ATRNL1: variants seen among roughly 807,000 people sequenced by gnomAD.
ATRNL1 encodes attractin-like protein 1.
Under a neutral mutation model 182.7 loss-of-function variants are expected in ATRNL1, and 95 were observed. That is an observed-to-expected ratio of 0.52 (90% confidence interval 0.44 to 0.62). The LOEUF (loss-of-function observed/expected upper bound fraction) is 0.62. Ranked by LOEUF, ATRNL1 falls within the 20% of genes least tolerant of loss-of-function variation. ATRNL1 has a pLI of 0.00. For missense variants in ATRNL1, 1,471 were observed against 1,679.5 expected (o/e 0.88, Z 2.17); for synonymous variants, 576 against 568.3 (o/e 1.01, Z -0.19).
chr10:115,947,265 T>TA lies in ATRNL1; in HGVS notation c.*2489dup, dbSNP rs1479989183. On this transcript the variant is annotated 3_prime_UTR_variant, in exon 29 of 29. Transcript: ENST00000355044. ...TAAATTTGGATGCTTTCATTTTTTT[T>TA]AAATCAAACCACACAAATATGCAGA... 1 of 152,618 alleles carries TA rather than the reference T, an allele frequency of 6.6e-6. No individual in the cohort carries two copies. Among genetic ancestry groups the TA allele is most frequent in the Non-Finnish European group, 1.5e-5 (1 of 68,032 alleles). 9.5% of individuals were successfully genotyped at this position (152,618 alleles called of 1,614,324 possible).
intron 18 of ATRNL1, among the ~76,000 whole-genome samples, chr10:115,318,761 T>A (rs782509836): frequency 3.6e-4 from 55 of 152,184 alleles, no homozygotes; most frequent in Non-Finnish European, 7.2e-4. Flanking sequence ...TTTTTTATTG[T>A]GTCTATATGA....
At chr10:115,145,300 A>G (rs917737083) in intron 5 of ATRNL1, among the ~76,000 whole-genome samples, 1 of 152,146 alleles carries the variant, frequency 6.6e-6, no homozygotes, top group African/African-American at 2.4e-5. Context: ...AATATTTTAC[A>G]TATTGAGATT....
chr10:115,627,663 C>T (rs186358283), intron 26 of ATRNL1, among the ~76,000 whole-genome samples: 1 of 152,222 alleles, frequency 6.6e-6, no homozygotes, highest in African/African-American at 2.4e-5. Flanking sequence ...CTGCACCCCA[C>T]CTCATTGTAT....
chr10:115,727,194 A>G (rs1947625549), intron 26 of ATRNL1, 54 bp from the exon 27 acceptor site: 5 of 1,304,770 alleles, frequency 3.8e-6, no homozygotes, highest in Middle Eastern at 1.8e-4. Flanking sequence ...ATATTGTTGA[A>G]TTTCATGTGC....
At chr10:115,736,288 A>G (rs1190536251) in intron 27 of ATRNL1, among the ~76,000 whole-genome samples, 1 of 152,064 alleles carries the variant, frequency 6.6e-6, no homozygotes, top group South Asian at 2.1e-4. Context: ...AGTGTATAAA[A>G]TCTGTTTTTG....
intron 9 of ATRNL1, among the ~76,000 whole-genome samples, chr10:115,223,929 A>ATATTTTTTTTTTTTTTTT (rs1420143943): frequency 6.7e-5 from 3 of 44,714 alleles, no homozygotes; most frequent in African/African-American, 2.8e-4. Context: ...ATATATATAT[A>ATATTTTTTTTTTTTTTTT]TTTTTTTTTT....
At chr10:115,449,323 C>T (rs949294208) in intron 21 of ATRNL1, among the ~76,000 whole-genome samples, 6 of 152,118 alleles carry the variant, frequency 3.9e-5, no homozygotes, top group Admixed American at 1.3e-4. Context: ...CAGAGGAGAG[C>T]TTGGCTGGGG....
chr10:115,678,480 T>A (rs1159432077), intron 26 of ATRNL1, among the ~76,000 whole-genome samples: 1 of 152,128 alleles, frequency 6.6e-6, no homozygotes, highest in Non-Finnish European at 1.5e-5. Flanking sequence ...AAGTAAATCA[T>A]CATTACATTT....
intron 26 of ATRNL1, among the ~76,000 whole-genome samples, chr10:115,643,659 A>G (rs1409677801): frequency 2.0e-5 from 3 of 152,170 alleles, no homozygotes; most frequent in Non-Finnish European, 4.4e-5. Flanking sequence ...AACAAAGAAG[A>G]TATATGGATG....
chr10:115,247,425 A>G (rs763943759), intron 10 of ATRNL1, among the ~76,000 whole-genome samples: 27 of 152,352 alleles, frequency 1.8e-4, no homozygotes, highest in Non-Finnish European at 3.2e-4. Flanking sequence ...ATATATGACA[A>G]CATGTTCAAC....
At chr10:115,389,816 A>G (rs1337556759) in intron 19 of ATRNL1, among the ~76,000 whole-genome samples, 1 of 151,822 alleles carries the variant, frequency 6.6e-6, no homozygotes, top group Admixed American at 6.6e-5. Flanking sequence ...TTTCACCAAC[A>G]GTACACATGG....
intron 25 of ATRNL1, among the ~76,000 whole-genome samples, chr10:115,532,421 C>T (rs1161809483): frequency 8.5e-5 from 13 of 152,132 alleles, no homozygotes; most frequent in African/African-American, 3.1e-4. Flanking sequence ...CATGATTTGG[C>T]TCTCTATCTG....
intron 28 of ATRNL1, among the ~76,000 whole-genome samples, chr10:115,861,755 C>G (rs1252676384): frequency 6.6e-6 from 1 of 152,016 alleles, no homozygotes; most frequent in Non-Finnish European, 1.5e-5. Context: ...CTTTGATACT[C>G]TGGTCATTCA....
chr10:115,551,268 G>A (rs1554995470), intron 26 of ATRNL1, among the ~76,000 whole-genome samples: 2 of 151,566 alleles, frequency 1.3e-5, no homozygotes, highest in Non-Finnish European at 3.0e-5. Flanking sequence ...TATTATCTCA[G>A]TGTAGTAATG....
At chr10:115,236,670 C>G (rs1850197364) in intron 9 of ATRNL1, among the ~76,000 whole-genome samples, 2 of 152,002 alleles carry the variant, frequency 1.3e-5, no homozygotes, top group Non-Finnish European at 2.9e-5. Context: ...CTCTCATCTC[C>G]CCTATCCCCA....
intron 27 of ATRNL1, among the ~76,000 whole-genome samples, chr10:115,728,046 T>C (rs1220632442): frequency 4.4e-5 from 6 of 136,080 alleles, no homozygotes; most frequent in Non-Finnish European, 9.1e-5. Flanking sequence ...GAGGCCAAGG[T>C]GGGCAGATCA....
intron 26 of ATRNL1, among the ~76,000 whole-genome samples, chr10:115,714,714 C>G (rs1555055810): frequency 4.0e-5 from 6 of 151,766 alleles, no homozygotes; most frequent in Non-Finnish European, 4.4e-5. Flanking sequence ...GGTAATGAAG[C>G]ATGTATTTCT....
At position 115,340,474 on chromosome 10, in the gene ATRNL1, T is replaced by TC. The variant is rs1392486534; in HGVS notation, c.3175+6055_3175+6056insC. 1.5e-5 allele frequency among the ~76,000 whole-genome samples: 2 copies of TC among 131,166 alleles called. 1 individual carries two copies. Among genetic ancestry groups the TC allele is most frequent in the African/African-American group, 5.4e-5 (2 of 37,294 alleles). The allele number at this position is 131,166 out of a possible 152,430, so 86.0% of individuals were successfully genotyped here. A position where few individuals can be genotyped will look rare whatever the true frequency, so the allele number is the denominator to read the frequency against. On this transcript the variant is annotated intron_variant, in intron 19 of 28. Transcript: ENST00000355044. The stretch of plus-strand genomic sequence containing the variant: ...TTCTTTTTTTTTCTTTTCTTTTCTT[T>TC]TCTTTTTTTTTTTTTTTGGTGTGTG...
At chr10:115,200,190 GA>G (rs1554892006) in intron 8 of ATRNL1, among the ~76,000 whole-genome samples, 2 of 150,908 alleles carry the variant, frequency 1.3e-5, no homozygotes, top group Non-Finnish European at 3.0e-5. Context: ...GTTAGCTGCA[GA>G]TTTTTAAAAA....
Sources: allele counts gnomAD v4.1 joint callset (sites outside exome capture counted in the v4.1 genomes callset), GRCh38; gene constraint gnomAD v4.1.1; transcripts MANE v1.5; gene names NCBI Gene and HGNC (gene_info 2026-07-23, HGNC 2026-07-21).